APC2: variants seen among roughly 807,000 people sequenced by gnomAD.
APC2 encodes APC regulator of Wnt signaling pathway 2, also known as adenomatous polyposis coli protein 2.
APC2 carries 41 observed loss-of-function variants against 72.5 expected under a neutral mutation model. The ratio of observed to expected loss-of-function variants is 0.57; its 90% CI spans 0.44 to 0.73. The LOEUF (loss-of-function observed/expected upper bound fraction) is 0.73. APC2 is among the 30% of genes least tolerant of loss of function. The pLI is 0.00. For missense variants in APC2, 3,729 were observed against 3,403.4 expected (o/e 1.10, Z -2.38); for synonymous variants, 1,898 against 1,612.0 (o/e 1.18, Z -4.25).
chr19:1,456,299 C>A lies in APC2; in HGVS notation c.718-7C>A. 3.1e-6 allele frequency: 5 copies of A among 1,604,992 alleles called. No homozygotes were observed. The highest frequency in any genetic ancestry group is 2.3e-5 in the East Asian group (1 of 44,414). ...CTGTACCCCCGACCCTGGTGCTCTC[C>A]CTGCAGGCCTTGCTGGCGGTGAAGT... On this transcript the variant is annotated splice_polypyrimidine_tract_variant and splice_region_variant and intron_variant, in intron 7 of 14. Coordinates refer to ENST00000590469, the MANE Select transcript of APC2 (RefSeq NM_005883.3).
Position 1,462,182 on chromosome 19 carries a change from G to GCGGGGCCC in APC2, c.1853+6_1853+7insGGGGCCCC. On this transcript the variant is annotated splice_donor_region_variant and intron_variant, in intron 14 of 14. Coordinates refer to ENST00000590469, the MANE Select transcript of APC2 (RefSeq NM_005883.3). ...CGCCACCCGTGAGGACTACAGGTCG[G>GCGGGGCCC]CCCCCACCCCCCCACCCGCACACAG... The GCGGGGCCC allele has an allele frequency of 6.5e-7, 1 of 1,535,392 alleles. No homozygotes were observed. Among genetic ancestry groups the GCGGGGCCC allele is most frequent in the Non-Finnish European group, 8.8e-7 (1 of 1,139,602 alleles).
chr19:1,450,187 G>T lies in APC2; in HGVS notation c.-170G>T. The T allele has an allele frequency of 1.0e-6, 1 of 985,216 alleles. No individual in the cohort carries two copies. Among genetic ancestry groups the T allele is most frequent in the South Asian group, 4.7e-5 (1 of 21,290 alleles). The allele number at this position is 985,216 out of a possible 1,614,324, so 61.0% of individuals were successfully genotyped here. A position where few individuals can be genotyped will look rare whatever the true frequency, so the allele number is the denominator to read the frequency against. ...CCCAGGCCCGGACCGGGCTTTGTCC[G>T]CCCCGGAGCCCCTGCCCGCGCCGCG... On this transcript the variant is annotated 5_prime_UTR_variant, in exon 1 of 15. Coordinates refer to ENST00000590469, the MANE Select transcript of APC2 (RefSeq NM_005883.3).
chr19:1,465,121 G>T, intron 14 of APC2, 34 bp from the exon 15 acceptor site: 8 of 1,572,708 alleles, frequency 5.1e-6, no homozygotes, highest in South Asian at 1.2e-5. Flanking sequence ...GGAGGGTGGG[G>T]GGTGGCCCAG....
chr19:1,463,534 G>T (rs1026979916), intron 14 of APC2, among the ~76,000 whole-genome samples: 6 of 149,352 alleles, frequency 4.0e-5, no homozygotes, highest in Non-Finnish European at 8.9e-5. Flanking sequence ...AGTGTGCCAG[G>T]ATAAGGCCAT....
intron 9 of APC2, 70 bp from the exon 10 acceptor site, chr19:1,457,895 C>CGGGGGGGGGGGGGGGGGGGGGGGGGGGGG (rs71174372): frequency 9.4e-7 from 1 of 1,067,852 alleles, no homozygotes; most frequent in Non-Finnish European, 1.2e-6. Flanking sequence ...GGGCGGGTTG[C>CGGGGGGGGGGGGGGGGGGGGGGGGGGGGG]GGGACCTTCG....
Position 1,455,242 on chromosome 19 carries a change from G to A in APC2, c.507G>A (p.Leu169=). ...LQGLSKRLDE[L]PHVETQFSMQ... Reference sequence around the variant, plus strand: ...GCCTGTCCAAGCGCCTGGACGAGCTGCCGCACGTGGAGACGGTGAGCCGGC... The same window carrying A: ...GCCTGTCCAAGCGCCTGGACGAGCTACCGCACGTGGAGACGGTGAGCCGGC... The change falls in exon 5 of 15, where the codon CTG becomes CTA. Residue 169 remains leucine (L), a synonymous_variant. Transcript: ENST00000590469. 6.3e-7 allele frequency: 1 copy of A among 1,576,176 alleles called. No individual in the cohort carries two copies. Among genetic ancestry groups the A allele is most frequent in the Admixed American group, 1.9e-5 (1 of 51,584 alleles).
chr19:1,465,937 C>A lies in APC2; in HGVS notation c.2636C>A (p.Pro879Gln). The A allele has an allele frequency of 6.3e-7, 1 of 1,583,692 alleles. No individual in the cohort carries two copies. The highest frequency in any genetic ancestry group is 1.1e-5 in the South Asian group (1 of 88,556). ...DDSFSLSSGD[P>Q]GQEAPREGRA... ...AGCTTCAGCCTCAGCTCTGGAGACC[C>A]GGGACAGGAGGCGCCACGGGAGGGC... The change falls in exon 15 of 15, where the codon CCG becomes CAG. Residue 879 changes from proline to glutamine, a missense_variant. Pro to Gln is a moderately conservative substitution (Grantham distance 76). Coordinates refer to ENST00000590469, the MANE Select transcript of APC2 (RefSeq NM_005883.3).
chr19:1,448,670 G>A (rs910608219), upstream of APC2, among the ~76,000 whole-genome samples: 4 of 151,316 alleles, frequency 2.6e-5, no homozygotes, highest in South Asian at 2.1e-4. Flanking sequence ...GTGAAATCCC[G>A]TCTCTACTAA....
Position 1,466,683 on chromosome 19 carries a change from G to A in APC2, c.3382G>A (p.Ala1128Thr). The A allele has an allele frequency of 5.3e-6, 8 of 1,510,310 alleles. No individual in the cohort carries two copies. Among genetic ancestry groups the A allele is most frequent in the African/African-American group, 1.4e-5 (1 of 72,826 alleles). The allele number at this position is 1,510,310 out of a possible 1,614,324, so 93.6% of individuals were successfully genotyped here. A position where few individuals can be genotyped will look rare whatever the true frequency, so the allele number is the denominator to read the frequency against. Residue 1128 changes from alanine (A) to threonine (T), a missense_variant, in exon 15 of 15, where the codon GCT becomes ACT. Transcript: ENST00000590469. ...GATSLPVAIP[A>T]PRRNRGRGLG... is the part of the protein sequence containing the mutation. Reference sequence around the variant, plus strand: ...CACCTCGCTGCCCGTAGCCATTCCGGCTCCCCGGCGTAACCGAGGCCGGGG... The same window carrying A: ...CACCTCGCTGCCCGTAGCCATTCCGACTCCCCGGCGTAACCGAGGCCGGGG...
In APC2 at chr19:1,458,074, G is replaced by A; in HGVS notation, c.1303+14G>A. 2.6e-6 allele frequency: 4 copies of A among 1,553,202 alleles called. No homozygotes were observed. Among genetic ancestry groups the A allele is most frequent in the East Asian group, 2.4e-5 (1 of 41,914 alleles). On this transcript the variant is annotated intron_variant, in intron 10 of 14. Transcript: ENST00000590469. Reference sequence around the variant, plus strand: ...TGAACGAGCTAGGTGAGTGTCCCAGGTCCTCTGGGAAGCCATCCTCCAGCC... The same window carrying A: ...TGAACGAGCTAGGTGAGTGTCCCAGATCCTCTGGGAAGCCATCCTCCAGCC...
At position 1,456,423 on chromosome 19, in the gene APC2, C is replaced by G. The variant is rs1386899586; in HGVS notation, c.816+19C>G. 1 of 1,572,470 alleles carries G rather than the reference C, an allele frequency of 6.4e-7. No homozygotes were observed. The highest frequency in any genetic ancestry group is 8.6e-7 in the Non-Finnish European group (1 of 1,160,366). On this transcript the variant is annotated intron_variant, in intron 8 of 14. Coordinates refer to ENST00000590469, the MANE Select transcript of APC2 (RefSeq NM_005883.3). ...CAGCAAGGTGAGGGGGAGGGTGAAA[C>G]GGGGGCTGGCGCAGCTGTCTGGGCT...
rs2083842113 is a variant in APC2, at chr19:1,457,044, G to C, written c.1008G>C (p.Gly336=). 2 of 1,528,538 alleles carry C rather than the reference G, an allele frequency of 1.3e-6. No homozygotes were observed. Among genetic ancestry groups the C allele is most frequent in the Non-Finnish European group, 8.7e-7 (1 of 1,144,726 alleles). 94.7% of individuals were successfully genotyped at this position (1,528,538 alleles called of 1,614,324 possible). A position where few individuals can be genotyped will look rare whatever the true frequency, so the allele number is the denominator to read the frequency against. Residue 336 remains glycine, a synonymous_variant, in exon 9 of 15, where the codon GGG becomes GGC. Transcript: ENST00000590469. ...CCGGGGGTCGCGCCGGGGCCCCAGGGGCACCGGGCGCCAAGGACGCACGCA... is the reference window on the plus strand; with the variant it reads ...CCGGGGGTCGCGCCGGGGCCCCAGGCGCACCGGGCGCCAAGGACGCACGCA... ...AAAGGRAGAP[G]APGAKDARMR... is the part of the protein sequence containing the mutation.
chr19:1,447,864 T>G (rs1166209335), upstream of APC2, among the ~76,000 whole-genome samples: 1 of 152,050 alleles, frequency 6.6e-6, no homozygotes, highest in Non-Finnish European at 1.5e-5. Context: ...CAGGCCTCAG[T>G]TTCCCCATGT....
chr19:1,447,097 G>C (rs972392271), upstream of APC2, among the ~76,000 whole-genome samples: 10 of 152,188 alleles, frequency 6.6e-5, no homozygotes, highest in African/African-American at 2.4e-4. Context: ...CGGCGGTCAG[G>C]CTTCAGGGCG....
At chr19:1,453,687 G>A (rs1227035585) in intron 4 of APC2, 76 bp downstream of exon 4, 4 of 1,515,478 alleles carry the variant, frequency 2.6e-6, no homozygotes, top group East Asian at 2.5e-5. Flanking sequence ...CCTCTAATTC[G>A]CCCACCCGCA....
At chr19:1,460,750 C>G (rs1247956327) in intron 11 of APC2, 30 bp from the exon 12 acceptor site, 3 of 1,606,492 alleles carry the variant, frequency 1.9e-6, no homozygotes, top group Admixed American at 3.4e-5. Flanking sequence ...TGTCCCAACC[C>G]CGTGACCCCG....
In APC2 at chr19:1,465,806, G is replaced by A. The variant is rs2084000407; in HGVS notation, c.2505G>A (p.Gly835=). 5.1e-6 allele frequency: 8 copies of A among 1,582,482 alleles called. No homozygotes were observed. Among genetic ancestry groups the A allele is most frequent in the Non-Finnish European group, 6.9e-6 (8 of 1,166,242 alleles). The change falls in exon 15 of 15, where the codon GGG becomes GGA. Residue 835 remains glycine, a synonymous_variant. Coordinates refer to ENST00000590469, the MANE Select transcript of APC2 (RefSeq NM_005883.3). ...GGKEAEKDTS[G]EAAVAAKAKA... ...AGGAGGCAGAGAAGGACACCAGTGG[G>A]GAGGCAGCCGTGGCGGCCAAGGCCA...
At position 1,460,266 on chromosome 19, in the gene APC2, C is replaced by A; in HGVS notation, c.1389C>A (p.Arg463=). 6.2e-7 allele frequency: 1 copy of A among 1,613,528 alleles called. No homozygotes were observed. Among genetic ancestry groups the A allele is most frequent in the Non-Finnish European group, 8.5e-7 (1 of 1,180,016 alleles). ...MTRDPLNLAL[R]RYAGMTLTNL... is the part of the protein sequence containing the mutation. ...GGGACCCGCTGAACCTGGCGCTGCG[C>A]CGCTACGCGGGCATGACCCTCACCA... is the stretch of plus-strand genomic sequence containing the variant. Residue 463 remains arginine, a synonymous_variant, in exon 11 of 15, where the codon CGC becomes CGA. Coordinates refer to ENST00000590469, the MANE Select transcript of APC2 (RefSeq NM_005883.3).
Position 1,467,095 on chromosome 19 carries a change from T to C in APC2, c.3794T>C (p.Val1265Ala). ...GACGCAGGCAGCGTGCGCTTTACCG[T>C]GGAGAAGCCAGACGAGAACTTCTCG... ...ELDAGSVRFT[V>A]EKPDENFSCA... The change falls in exon 15 of 15, where the codon GTG becomes GCG. Residue 1265 changes from valine to alanine, a missense_variant. Coordinates refer to ENST00000590469, the MANE Select transcript of APC2 (RefSeq NM_005883.3). The C allele has an allele frequency of 6.2e-7, 1 of 1,607,588 alleles. No homozygotes were observed.
Sources: allele counts gnomAD v4.1 joint callset (sites outside exome capture counted in the v4.1 genomes callset), GRCh38; gene constraint gnomAD v4.1.1; transcripts MANE v1.5; gene names NCBI Gene and HGNC (gene_info 2026-07-23, HGNC 2026-07-21).